TTC28: variants seen among roughly 807,000 people sequenced by gnomAD.
The protein encoded by TTC28 is tetratricopeptide repeat domain 28, also known as tetratricopeptide repeat protein 28.
A neutral mutation model predicts 198.0 loss-of-function variants in TTC28; 61 were observed. That is an observed-to-expected ratio of 0.31 (90% CI 0.25 to 0.38). The LOEUF (loss-of-function observed/expected upper bound fraction) is 0.38. TTC28 is among the 10% of genes least tolerant of loss of function. TTC28 has a pLI of 1.00. For missense variants in TTC28, 2,678 were observed against 3,164.0 expected (o/e 0.85, Z 3.69); for synonymous variants, 1,171 against 1,297.8 (o/e 0.90, Z 2.10).
intron 12 of TTC28, among the ~76,000 whole-genome samples, chr22:28,050,182 C>G (rs1940030691): frequency 2.0e-5 from 3 of 152,168 alleles, no homozygotes; most frequent in Middle Eastern, 3.4e-3. Context: ...GAAGTAGGCC[C>G]CGGAGCCAGG....
chr22:28,165,929 A>G (rs1463266981), intron 5 of TTC28, among the ~76,000 whole-genome samples: 5 of 152,202 alleles, frequency 3.3e-5, no homozygotes, highest in Non-Finnish European at 5.9e-5. Context: ...GTATTCAGGA[A>G]ACCCATCTCA....
chr22:28,435,133 A>C (rs995683352), intron 2 of TTC28, among the ~76,000 whole-genome samples: 2 of 152,250 alleles, frequency 1.3e-5, no homozygotes, highest in Non-Finnish European at 2.9e-5. Context: ...CTTCTCTAAA[A>C]ATGCTGCTTA....
chr22:28,216,546 T>G (rs960601408), intron 5 of TTC28, among the ~76,000 whole-genome samples: 3 of 152,080 alleles, frequency 2.0e-5, no homozygotes, highest in African/African-American at 7.2e-5. Flanking sequence ...TCTAGTGAAC[T>G]GAATTTACAT....
At chr22:28,393,019 G>A (rs929895926) in intron 2 of TTC28, among the ~76,000 whole-genome samples, 3 of 151,854 alleles carry the variant, frequency 2.0e-5, no homozygotes, top group African/African-American at 7.3e-5. Flanking sequence ...TGGGACCATA[G>A]GTGCAAACCA....
intron 12 of TTC28, among the ~76,000 whole-genome samples, chr22:28,088,434 T>C (rs921252349): frequency 1.2e-4 from 18 of 152,270 alleles, no homozygotes; most frequent in African/African-American, 4.1e-4. Flanking sequence ...ATTTAATAAA[T>C]GGTGCTGAGA....
chr22:28,021,043 G>T (rs1301077387), intron 13 of TTC28, among the ~76,000 whole-genome samples: 1 of 152,174 alleles, frequency 6.6e-6, no homozygotes, highest in Non-Finnish European at 1.5e-5. Context: ...GAGGAATCAG[G>T]TCTCCCACGT....
intron 2 of TTC28, among the ~76,000 whole-genome samples, chr22:28,421,871 G>GAAC (rs2047259607): frequency 6.7e-6 from 1 of 150,256 alleles, no homozygotes; most frequent in African/African-American, 2.5e-5. Context: ...GTAGGCGGAG[G>GAAC]TTGCAGTGAG....
At chr22:28,548,561 T>C (rs186082776) in intron 2 of TTC28, among the ~76,000 whole-genome samples, 2 of 152,340 alleles carry the variant, frequency 1.3e-5, no homozygotes, top group Admixed American at 1.3e-4. Context: ...CACCATTTCT[T>C]ACTACCTATG....
chr22:28,325,867 G>C (rs1452500903), intron 2 of TTC28, among the ~76,000 whole-genome samples: 1 of 152,092 alleles, frequency 6.6e-6, no homozygotes. Context: ...TGAGGACAGA[G>C]AGAACCTGAA....
chr22:28,090,793 G>A (rs182794678), intron 12 of TTC28, among the ~76,000 whole-genome samples: 21 of 152,220 alleles, frequency 1.4e-4, no homozygotes, highest in African/African-American at 3.6e-4. Context: ...TATGAGACAC[G>A]AATCGCTCTC....
chr22:28,120,770 C>T (rs1017182988), intron 6 of TTC28, among the ~76,000 whole-genome samples: 6 of 152,322 alleles, frequency 3.9e-5, no homozygotes, highest in Admixed American at 3.3e-4. Context: ...ATTGCAAAGA[C>T]AGATGGATGT....
chr22:27,999,860 T>G (rs1021509348), intron 15 of TTC28: 3 of 152,276 alleles, frequency 2.0e-5, no homozygotes, highest in African/African-American at 7.2e-5. Flanking sequence ...TCCCCTATGA[T>G]GACTTTTGGT....
chr22:28,371,598 A>ATTTTTTTTTTTTTTTT (rs1409625873), intron 2 of TTC28, among the ~76,000 whole-genome samples: 2,269 of 27,708 alleles, frequency 0.082, 846 homozygotes, highest in South Asian at 0.097. Context: ...AAAAAAAAAA[A>ATTTTTTTTTTTTTTTT]TTTTTTTTTT....
At chr22:27,990,893 A>G in intron 19 of TTC28, 81 bp from the exon 20 acceptor site, 2 of 1,406,628 alleles carry the variant, frequency 1.4e-6, no homozygotes, top group Non-Finnish European at 1.9e-6. Flanking sequence ...GTTATGCAAC[A>G]TGAGCTGATC....
At position 27,996,315 on chromosome 22, in the gene TTC28, C is replaced by G. The variant is rs556472548; in HGVS notation, c.5120-56G>C. ...GGGCAGCTGGAGACCCCCAGCCCCA[C>G]CCCGGCTTCCAGGGCTCACTTACGC... On this transcript the variant is annotated intron_variant, in intron 16 of 22. Transcript: ENST00000397906. The G allele has an allele frequency of 2.7e-4, 411 of 1,530,048 alleles. 5 individuals are homozygous for G. In the South Asian group the frequency reaches 4.8e-3, roughly 18 times the overall value. The allele number at this position is 1,530,048 out of a possible 1,614,324, so 94.8% of individuals were successfully genotyped here.
chr22:28,620,185 A>C (rs887498308), intron 2 of TTC28, among the ~76,000 whole-genome samples: 1 of 152,206 alleles, frequency 6.6e-6, no homozygotes, highest in Admixed American at 6.5e-5. Flanking sequence ...CCCTGTCTCT[A>C]CTAAAAATAT....
intron 5 of TTC28, among the ~76,000 whole-genome samples, chr22:28,171,414 A>G (rs947954758): frequency 2.0e-5 from 3 of 152,166 alleles, no homozygotes; most frequent in Non-Finnish European, 4.4e-5. Context: ...CTGGCTAGGG[A>G]ATAACAATGA....
chr22:28,525,407 C>T (rs116007653), intron 2 of TTC28, among the ~76,000 whole-genome samples: 225 of 152,204 alleles, frequency 1.5e-3, no homozygotes, highest in African/African-American at 5.1e-3. Flanking sequence ...CCTCTGCCTC[C>T]GCTTCTCAAA....
intron 2 of TTC28, among the ~76,000 whole-genome samples, chr22:28,362,007 C>A (rs1172329309): frequency 1.3e-5 from 2 of 152,180 alleles, no homozygotes; most frequent in African/African-American, 4.8e-5. Context: ...ACGCGTCTGG[C>A]TACCCAAGAG....
Sources: gnomAD v4.1 joint callset for allele counts (sites outside exome capture counted in the v4.1 genomes callset) on GRCh38, gnomAD v4.1.1 for gene constraint, MANE v1.5 for transcripts, NCBI Gene and HGNC (gene_info 2026-07-23, HGNC 2026-07-21) for gene names.